GRM5: variants seen among roughly 807,000 people sequenced by gnomAD.
GRM5 encodes the protein glutamate metabotropic receptor 5, also known as metabotropic glutamate receptor 5.
A neutral mutation model predicts 83.1 loss-of-function variants in GRM5; 19 were observed. That is an observed-to-expected ratio of 0.23 (90% CI 0.16 to 0.34). The LOEUF (loss-of-function observed/expected upper bound fraction) is 0.34, where lower values mean the gene tolerates loss of function less well. GRM5 is among the 10% of genes least tolerant of loss of function. The pLI is 1.00. For synonymous variants in GRM5, 675 were observed against 633.6 expected (o/e 1.07, Z -0.98); for missense variants, 1,160 against 1,588.3 (o/e 0.73, Z 4.58).
chr11:89,047,823 C>T lies in GRM5; in HGVS notation c.50G>A (p.Arg17His), dbSNP rs200406314. The change falls in exon 2 of 10, where the codon CGT (arginine) becomes CAT (histidine). Residue 17 changes from arginine (R) to histidine (H), a missense_variant. Arg to His is a conservative substitution (Grantham distance 29). Transcript: ENST00000305447. This position sits in a 1 kb window ranked among gnomAD's most constrained non-coding sequence, Gnocchi z 5.1. The stretch of plus-strand genomic sequence containing the variant: ...CCTCTCACTGGACTGTGCACTCCCA[C>T]GGACATCTTCTTTCAAAAGTAAGAC... Reference protein sequence around the residue: ...LSVLLLKEDVRGSAQSSERRV... With the variant: ...LSVLLLKEDVHGSAQSSERRV... 6.8e-6 allele frequency: 11 copies of T among 1,613,820 alleles called. No individual in the cohort carries two copies. Among genetic ancestry groups the T allele is most frequent in the African/African-American group, 6.7e-5 (5 of 74,988 alleles).
chr11:89,058,688 G>A (rs1388668618), intron 1 of GRM5, among the ~76,000 whole-genome samples: 1 of 152,062 alleles, frequency 6.6e-6, no homozygotes, highest in Non-Finnish European at 1.5e-5. Context: ...ATTTGAGAAA[G>A]ACAAATTTAA....
At chr11:88,517,467 T>G (rs1043817640) in intron 9 of GRM5, among the ~76,000 whole-genome samples, 4 of 152,150 alleles carry the variant, frequency 2.6e-5, no homozygotes, top group Admixed American at 2.6e-4. Flanking sequence ...ACATTTGTGT[T>G]GAAGAATCAG....
chr11:88,563,918 A>G (rs1005615412), intron 8 of GRM5, among the ~76,000 whole-genome samples: 1 of 152,176 alleles, frequency 6.6e-6, no homozygotes, highest in South Asian at 2.1e-4. Flanking sequence ...CAGATTTTGT[A>G]TCACAGAGAA....
At chr11:88,722,195 T>C (rs550184517) in intron 3 of GRM5, among the ~76,000 whole-genome samples, 1 of 152,100 alleles carries the variant, frequency 6.6e-6, no homozygotes, top group Non-Finnish European at 1.5e-5. Flanking sequence ...GCATTATGTT[T>C]GGTTTTAGCC....
At chr11:88,915,853 G>T (rs1945581222) in intron 2 of GRM5, among the ~76,000 whole-genome samples, 1 of 152,088 alleles carries the variant, frequency 6.6e-6, no homozygotes, top group Non-Finnish European at 1.5e-5. Flanking sequence ...TGTTCCTTAA[G>T]AACAGTTTTT....
intron 2 of GRM5, among the ~76,000 whole-genome samples, chr11:89,014,401 G>A (rs1803033599): frequency 6.6e-6 from 1 of 152,108 alleles, no homozygotes; most frequent in Non-Finnish European, 1.5e-5. Context: ...GAGCTGAGCT[G>A]AGCTTGGTTT....
At chr11:88,978,771 T>C (rs1170741572) in intron 2 of GRM5, among the ~76,000 whole-genome samples, 3 of 152,160 alleles carry the variant, frequency 2.0e-5, no homozygotes, top group African/African-American at 2.4e-5. Flanking sequence ...TGTTACGTCA[T>C]AGAATCCTCC....
Position 88,698,468 on chromosome 11 carries a change from T to G in GRM5, c.912-45065A>C, listed in dbSNP as rs78340025. 2.2e-3 allele frequency among the ~76,000 whole-genome samples: 330 copies of G among 152,340 alleles called. 2 individuals are homozygous for G. Among genetic ancestry groups the G allele is most frequent in the African/African-American group, 7.3e-3 (302 of 41,592 alleles). On this transcript the variant is annotated intron_variant, in intron 3 of 9. Coordinates refer to ENST00000305447, the MANE Select transcript of GRM5 (RefSeq NM_001143831.3). ...TAGCAAAATCTTCCATGACTTCCACTATTATACAAATTCATGAAACCATAT... is the reference window on the plus strand; with the variant it reads ...TAGCAAAATCTTCCATGACTTCCACGATTATACAAATTCATGAAACCATAT...
intron 3 of GRM5, among the ~76,000 whole-genome samples, chr11:88,798,362 T>C (rs1487877939): frequency 2.6e-5 from 4 of 152,180 alleles, no homozygotes; most frequent in African/African-American, 9.6e-5. Flanking sequence ...TTGCTATGTG[T>C]AAAGCACTGT....
intron 2 of GRM5, among the ~76,000 whole-genome samples, chr11:89,026,655 T>C (rs1482902143): frequency 6.6e-6 from 1 of 152,178 alleles, no homozygotes; most frequent in Non-Finnish European, 1.5e-5. Context: ...TATATGAAAA[T>C]ACTAACACAT....
intron 3 of GRM5, among the ~76,000 whole-genome samples, chr11:88,757,928 G>T (rs982646085): frequency 6.6e-6 from 1 of 152,122 alleles, no homozygotes; most frequent in African/African-American, 2.4e-5. Context: ...AGCCAGAGAG[G>T]AAAGTCAGAC....
chr11:88,958,410 A>T (rs1169680517), intron 2 of GRM5, among the ~76,000 whole-genome samples: 1 of 151,908 alleles, frequency 6.6e-6, no homozygotes, highest in Admixed American at 6.6e-5. Context: ...ACATAAAAAA[A>T]TTAAAAGAAT....
At chr11:88,537,095 C>T (rs1250687300) in intron 8 of GRM5, among the ~76,000 whole-genome samples, 2 of 152,072 alleles carry the variant, frequency 1.3e-5, no homozygotes, top group Non-Finnish European at 2.9e-5. Context: ...CTTACTTTTT[C>T]TTTATTTCAT....
intron 2 of GRM5, among the ~76,000 whole-genome samples, chr11:88,998,096 G>A (rs1165034443): frequency 6.7e-6 from 1 of 150,038 alleles, no homozygotes; most frequent in Non-Finnish European, 1.5e-5. Context: ...AGAGAGAGGA[G>A]AAGCGAGCAG....
intron 7 of GRM5, 103 bp from the exon 8 acceptor site, chr11:88,568,095 C>G: frequency 1.5e-6 from 1 of 664,426 alleles, no homozygotes; most frequent in Non-Finnish European, 2.6e-6. Flanking sequence ...CAGTTTGTTC[C>G]CCATCTACCT....
intron 2 of GRM5, among the ~76,000 whole-genome samples, chr11:88,967,600 T>A (rs1171589835): frequency 6.6e-6 from 1 of 152,032 alleles, no homozygotes; most frequent in East Asian, 1.9e-4. Flanking sequence ...ATTAATCCAT[T>A]CATGAGGGCA....
At chr11:88,534,701 T>G (rs181782768) in intron 8 of GRM5, among the ~76,000 whole-genome samples, 1 of 152,204 alleles carries the variant, frequency 6.6e-6, no homozygotes, top group African/African-American at 2.4e-5. Flanking sequence ...GCATGATTGG[T>G]TTTGAAATGT....
intron 3 of GRM5, among the ~76,000 whole-genome samples, chr11:88,665,093 C>T (rs1309572275): frequency 6.7e-6 from 1 of 148,940 alleles, no homozygotes. Context: ...TAAATGTGAT[C>T]TTTAATACAA....
chr11:88,673,072 C>G (rs1257047907), intron 3 of GRM5, among the ~76,000 whole-genome samples: 2 of 151,880 alleles, frequency 1.3e-5, no homozygotes, highest in Non-Finnish European at 2.9e-5. Context: ...TTAATTTTCA[C>G]AGAAATTTAA....
Sources: gnomAD v4.1 joint callset for allele counts (sites outside exome capture counted in the v4.1 genomes callset) on GRCh38, gnomAD v4.1.1 for gene constraint, Gnocchi (gnomAD v3.1) non-coding constraint, MANE v1.5 for transcripts, NCBI Gene and HGNC (gene_info 2026-07-23, HGNC 2026-07-21) for gene names.